Variants in TRIM44 observed in about 807,000 individuals in gnomAD.
TRIM44 encodes tripartite motif-containing protein 44.
Under a neutral mutation model 37.4 loss-of-function variants are expected in TRIM44, and 13 were observed. The ratio of observed to expected loss-of-function variants is 0.35; its 90% CI spans 0.23 to 0.55. The LOEUF (loss-of-function observed/expected upper bound fraction) is 0.55. Among genes scored for constraint, TRIM44 ranks in the 20% least tolerant of loss-of-function variants. The pLI is 0.89. For missense variants in TRIM44, 426 were observed against 437.2 expected, an observed-to-expected ratio of 0.97 and a Z score of 0.23; for synonymous variants, 175 against 157.2, an observed-to-expected ratio of 1.11 and a Z score of -0.85.
chr11:35,666,008 A>C (rs1851328189), intron 1 of TRIM44, among the ~76,000 whole-genome samples: 1 of 152,098 alleles, frequency 6.6e-6, no homozygotes, highest in Non-Finnish European at 1.5e-5. Flanking sequence ...TAATGTGGTA[A>C]AACTTATCAA....
intron 4 of TRIM44, among the ~76,000 whole-genome samples, chr11:35,801,618 T>C (rs988489646): frequency 2.6e-5 from 4 of 152,130 alleles, no homozygotes; most frequent in African/African-American, 9.7e-5. Context: ...TGATAAAATA[T>C]AATCATTTTA....
chr11:35,744,345 G>A (rs1852457499), intron 4 of TRIM44, among the ~76,000 whole-genome samples: 1 of 152,096 alleles, frequency 6.6e-6, no homozygotes, highest in Admixed American at 6.5e-5. Flanking sequence ...TATCTTAAAT[G>A]TTCTTAACAC....
chr11:35,720,492 G>A (rs1852093594), intron 2 of TRIM44, among the ~76,000 whole-genome samples: 1 of 150,990 alleles, frequency 6.6e-6, no homozygotes, highest in Non-Finnish European at 1.5e-5. Context: ...TGCAAAGACA[G>A]TTTTATTTCT....
At chr11:35,743,189 C>T (rs907319007) in intron 4 of TRIM44, among the ~76,000 whole-genome samples, 4 of 152,046 alleles carry the variant, frequency 2.6e-5, no homozygotes, top group African/African-American at 4.8e-5. Flanking sequence ...ATGTGCTGTG[C>T]GGGGAATGGT....
chr11:35,663,771 A>G lies in TRIM44; in HGVS notation c.660A>G (p.Glu220=). 1 of 1,613,406 alleles carries G rather than the reference A, an allele frequency of 6.2e-7. No individual in the cohort carries two copies. Among genetic ancestry groups the G allele is most frequent in the Non-Finnish European group, 8.5e-7 (1 of 1,179,744 alleles). Residue 220 remains glutamate (E), a synonymous_variant, in exon 1 of 5, where the codon GAA becomes GAG. Coordinates refer to ENST00000299413, the MANE Select transcript of TRIM44 (RefSeq NM_017583.6). ...TCTCCACCCTAGACGAAGCCTTTGA[A>G]GAATTAAGAGTAAGTATTGGGCCTT... ...HQLSTLDEAF[E]ELRSKDSGGL...
chr11:35,763,762 C>G (rs903769571), intron 4 of TRIM44, among the ~76,000 whole-genome samples: 9 of 152,090 alleles, frequency 5.9e-5, no homozygotes, highest in African/African-American at 2.2e-4. Flanking sequence ...TCCTTTTTGC[C>G]TTTGCTCGTA....
At chr11:35,674,232 T>TGGCG (rs1485550344) in intron 1 of TRIM44, among the ~76,000 whole-genome samples, 36 of 109,112 alleles carry the variant, frequency 3.3e-4, no homozygotes, top group African/African-American at 1.5e-3. Flanking sequence ...GAGAGAGAAT[T>TGGCG]TGCGTGTGTG....
rs759322624 is a variant in TRIM44, at chr11:35,815,545, CTATTTTCCCCAAATTAA to C, written c.*9170_*9186del. On this transcript the variant is annotated 3_prime_UTR_variant, in exon 5 of 5. Transcript: ENST00000299413. ...CATTTGATAACAAGTAGGTTCTGAT[CTATTTTCCCCAAATTAA>C]TATTTTCCCTGGAAGATTCTGACCT... The C allele has an allele frequency of 4.6e-5, 7 of 152,138 alleles. No homozygotes were observed. Among genetic ancestry groups the C allele is most frequent in the Non-Finnish European group, 1.0e-4 (7 of 68,032 alleles). The allele number at this position is 152,138 out of a possible 1,614,324, so 9.4% of individuals were successfully genotyped here. A position where few individuals can be genotyped will look rare whatever the true frequency, so the allele number is the denominator to read the frequency against.
At chr11:35,795,543 G>C (rs1048465835) in intron 4 of TRIM44, among the ~76,000 whole-genome samples, 4 of 152,058 alleles carry the variant, frequency 2.6e-5, no homozygotes, top group Non-Finnish European at 4.4e-5. Flanking sequence ...TTGGCACATA[G>C]AATGCATTCT....
intron 2 of TRIM44, among the ~76,000 whole-genome samples, chr11:35,695,604 ACCT>A (rs1851687302): frequency 6.6e-6 from 1 of 151,988 alleles, no homozygotes; most frequent in African/African-American, 2.4e-5. Context: ...CCTTTCCTGA[ACCT>A]CCTAAAAGAC....
Position 35,788,567 on chromosome 11 carries a change from C to CT in TRIM44, c.1008-17790dup, listed in dbSNP as rs1853158884. On this transcript the variant is annotated intron_variant, in intron 4 of 4. Coordinates refer to ENST00000299413, the MANE Select transcript of TRIM44 (RefSeq NM_017583.6). Reference sequence around the variant, plus strand: ...TCATTTGAGAGTCTGGTTTTGGCCTCTAACAAGAATGCCCCTTGCAGCCAT... The same window carrying CT: ...TCATTTGAGAGTCTGGTTTTGGCCTCTTAACAAGAATGCCCCTTGCAGCCAT... 2.0e-5 allele frequency among the ~76,000 whole-genome samples: 3 copies of CT among 152,190 alleles called. No homozygotes were observed. In the South Asian group the frequency reaches 6.2e-4, roughly 32 times the overall value.
chr11:35,696,519 G>A (rs1445367123), intron 2 of TRIM44, among the ~76,000 whole-genome samples: 18 of 151,810 alleles, frequency 1.2e-4, no homozygotes, highest in Admixed American at 1.1e-3. Context: ...TCTGTCTCTT[G>A]TCTTTCCCCC....
intron 1 of TRIM44, among the ~76,000 whole-genome samples, chr11:35,667,983 G>A (rs1232661435): frequency 6.6e-6 from 1 of 152,134 alleles, no homozygotes; most frequent in African/African-American, 2.4e-5. Flanking sequence ...CTGAGGCAGA[G>A]TGTAGTGTTT....
In TRIM44 at chr11:35,749,558, A is replaced by G. The variant is rs141420692; in HGVS notation, c.1007+14113A>G. 1.8e-3 allele frequency among the ~76,000 whole-genome samples: 280 copies of G among 152,168 alleles called. 2 individuals are homozygous for G. The highest frequency in any genetic ancestry group is 6.5e-3 in the African/African-American group (269 of 41,516). ...AAATTAGCCAGGCATGGTTGCACACACCTGTAATCCCACCTACTCAGGAGG... is the reference window on the plus strand; with the variant it reads ...AAATTAGCCAGGCATGGTTGCACACGCCTGTAATCCCACCTACTCAGGAGG... On this transcript the variant is annotated intron_variant, in intron 4 of 4. Transcript: ENST00000299413.
chr11:35,792,075 A>AC (rs1260771435), intron 4 of TRIM44, among the ~76,000 whole-genome samples: 2 of 18,936 alleles, frequency 1.1e-4, no homozygotes, highest in African/African-American at 1.4e-4. Context: ...TTGCCCCTAC[A>AC]CACACACACA....
At chr11:35,749,513 C>T (rs1436350874) in intron 4 of TRIM44, among the ~76,000 whole-genome samples, 1 of 152,140 alleles carries the variant, frequency 6.6e-6, no homozygotes, top group Non-Finnish European at 1.5e-5. Context: ...GGCAAAACCC[C>T]GTCTCTACTA....
chr11:35,811,082 C>T lies in TRIM44; in HGVS notation c.*4697C>T, dbSNP rs1345923311. 1.3e-5 allele frequency: 2 copies of T among 151,998 alleles called. No homozygotes were observed. The highest frequency in any genetic ancestry group is 2.9e-5 in the Non-Finnish European group (2 of 68,010). 9.4% of individuals were successfully genotyped at this position (151,998 alleles called of 1,614,324 possible). A position where few individuals can be genotyped will look rare whatever the true frequency, so the allele number is the denominator to read the frequency against. ...GTCTCTCAGAGTTGTGCACAAAGGA[C>T]CCTGCAAGGTGTAAATATTTATGAC... On this transcript the variant is annotated 3_prime_UTR_variant, in exon 5 of 5. Transcript: ENST00000299413.
intron 2 of TRIM44, among the ~76,000 whole-genome samples, chr11:35,706,429 T>G (rs1483704916): frequency 6.6e-6 from 1 of 152,216 alleles, no homozygotes; most frequent in Non-Finnish European, 1.5e-5. Flanking sequence ...AGCATCATCC[T>G]GATACCAAAA....
chr11:35,752,856 G>C (rs376511024), intron 4 of TRIM44, among the ~76,000 whole-genome samples: 1 of 152,158 alleles, frequency 6.6e-6, no homozygotes, highest in Non-Finnish European at 1.5e-5. Flanking sequence ...TAATATTCTT[G>C]ACTGTGTTTT....
Sources: gnomAD v4.1 joint callset for allele counts (sites outside exome capture counted in the v4.1 genomes callset) on GRCh38, gnomAD v4.1.1 for gene constraint, MANE v1.5 for transcripts, NCBI Gene and HGNC (gene_info 2026-07-23, HGNC 2026-07-21) for gene names.